Variants in NARS2 observed in about 807,000 individuals in gnomAD.
NARS2 encodes asparaginyl-tRNA synthetase 2, mitochondrial.
NARS2 carries 60 observed loss-of-function variants against 62.9 expected under a neutral mutation model. The observed-to-expected ratio is 0.95, with a 90% confidence interval of 0.77 to 1.18. The LOEUF (loss-of-function observed/expected upper bound fraction) is 1.18, where lower values mean the gene tolerates loss of function less well. Among genes scored for constraint, NARS2 ranks in the 50% most tolerant of loss-of-function variants. The pLI is 0.00. For synonymous variants in NARS2, 196 were observed against 200.0 expected, an observed-to-expected ratio of 0.98 and a Z score of 0.17; for missense variants, 619 against 576.4, an observed-to-expected ratio of 1.07 and a Z score of -0.76.
At chr11:78,453,456 A>T (rs1247270055) in intron 11 of NARS2, among the ~76,000 whole-genome samples, 3 of 149,792 alleles carry the variant, frequency 2.0e-5, no homozygotes, top group Admixed American at 6.7e-5. Flanking sequence ...ACCCTGAATT[A>T]AAAAAAAAAC....
intron 6 of NARS2, among the ~76,000 whole-genome samples, chr11:78,527,708 G>C (rs1236093571): frequency 6.6e-6 from 1 of 152,100 alleles, no homozygotes; most frequent in Non-Finnish European, 1.5e-5. Context: ...TTTCAAGTGA[G>C]CTATTTCCAG....
rs1430767819 is a variant in NARS2, at chr11:78,436,050, G to A, written c.*620C>T. ...TTATAACAACAGTGATTAAAGAGTTGAAATACTTAATGTAATATCTCAACA... is the reference window on the plus strand; with the variant it reads ...TTATAACAACAGTGATTAAAGAGTTAAAATACTTAATGTAATATCTCAACA... On this transcript the variant is annotated 3_prime_UTR_variant, in exon 14 of 14. Coordinates refer to ENST00000281038, the MANE Select transcript of NARS2 (RefSeq NM_024678.6). 6.6e-6 allele frequency: 1 copy of A among 152,058 alleles called. No homozygotes were observed. The highest frequency in any genetic ancestry group is 1.5e-5 in the Non-Finnish European group (1 of 68,016). 9.4% of individuals were successfully genotyped at this position (152,058 alleles called of 1,614,324 possible). A position where few individuals can be genotyped will look rare whatever the true frequency, so the allele number is the denominator to read the frequency against.
rs181485208 is a variant in NARS2, at chr11:78,466,454, C to G, written c.1027-441G>C. ...GAAGATAATATTCCTAATATTGAGC[C>G]TATCTTTGGCTAAATGACTTCTCTT... On this transcript the variant is annotated intron_variant, in intron 10 of 13. Transcript: ENST00000281038. 1.8e-3 allele frequency among the ~76,000 whole-genome samples: 279 copies of G among 152,182 alleles called. 2 individuals are homozygous for G. Among genetic ancestry groups the G allele is most frequent in the South Asian group, 7.3e-3 (35 of 4,818 alleles).
At chr11:78,455,316 A>G (rs1431058647) in intron 11 of NARS2, among the ~76,000 whole-genome samples, 6 of 152,238 alleles carry the variant, frequency 3.9e-5, no homozygotes, top group Non-Finnish European at 1.5e-5. Flanking sequence ...AGCAATTTTA[A>G]AAACATTTGT....
chr11:78,520,244 T>C (rs1861065733), intron 6 of NARS2, among the ~76,000 whole-genome samples: 1 of 152,180 alleles, frequency 6.6e-6, no homozygotes, highest in East Asian at 1.9e-4. Flanking sequence ...CTGAAGATTC[T>C]AGGGAAGAAT....
chr11:78,501,838 A>G lies in NARS2; in HGVS notation c.690-8643T>C, dbSNP rs369644023. On this transcript the variant is annotated intron_variant, in intron 6 of 13. Coordinates refer to ENST00000281038, the MANE Select transcript of NARS2 (RefSeq NM_024678.6). The stretch of plus-strand genomic sequence containing the variant: ...GACCCAACTATTTCCTCCTGAATGT[A>G]TACCTCAAAGAAATAATAAAGACAG... Among the ~76,000 whole-genome samples, 85 of 152,386 alleles carry G rather than the reference A, an allele frequency of 5.6e-4. No homozygotes were observed. In the South Asian group the frequency reaches 0.016, roughly 28 times the overall value.
At chr11:78,464,861 A>G (rs1044281606) in intron 11 of NARS2, among the ~76,000 whole-genome samples, 1 of 152,214 alleles carries the variant, frequency 6.6e-6, no homozygotes, top group African/African-American at 2.4e-5. Flanking sequence ...AGCTAGACAT[A>G]AAGGTTCTCC....
intron 6 of NARS2, among the ~76,000 whole-genome samples, chr11:78,528,157 GC>G (rs1365131184): frequency 6.6e-6 from 1 of 152,062 alleles, no homozygotes; most frequent in Admixed American, 6.6e-5. Flanking sequence ...AATCACTTGA[GC>G]CCAGGAGTTT....
At chr11:78,564,480 T>C (rs988748396) in intron 4 of NARS2, among the ~76,000 whole-genome samples, 2 of 152,224 alleles carry the variant, frequency 1.3e-5, no homozygotes, top group African/African-American at 4.8e-5. Context: ...TGTGAACCAC[T>C]GCACCCTGAC....
At chr11:78,443,002 G>A (rs1313031841) in intron 12 of NARS2, among the ~76,000 whole-genome samples, 1 of 152,086 alleles carries the variant, frequency 6.6e-6, no homozygotes, top group Non-Finnish European at 1.5e-5. Flanking sequence ...ATAATTGAGA[G>A]TAAATAAAGA....
At chr11:78,558,221 C>A (rs1357286732) in intron 5 of NARS2, 3 of 152,190 alleles carry the variant, frequency 2.0e-5, no homozygotes, top group African/African-American at 7.2e-5. Flanking sequence ...AATACCCCCA[C>A]TCTAAATGTT....
intron 5 of NARS2, among the ~76,000 whole-genome samples, chr11:78,538,851 C>T (rs962234100): frequency 3.3e-5 from 5 of 150,740 alleles, no homozygotes; most frequent in Admixed American, 6.6e-5. Flanking sequence ...AAAAATTAGC[C>T]GGGCGTGGTG....
At chr11:78,483,375 G>C (rs997183704) in intron 7 of NARS2, among the ~76,000 whole-genome samples, 1 of 152,190 alleles carries the variant, frequency 6.6e-6, no homozygotes, top group Non-Finnish European at 1.5e-5. Flanking sequence ...CATAGTGTTG[G>C]AAGTTCTCGC....
chr11:78,497,097 T>C (rs1382239617), intron 6 of NARS2, among the ~76,000 whole-genome samples: 1 of 152,106 alleles, frequency 6.6e-6, no homozygotes, highest in East Asian at 1.9e-4. Context: ...AGAATCATTC[T>C]TGTGCCAAAC....
chr11:78,548,734 A>G (rs527736076), intron 5 of NARS2, among the ~76,000 whole-genome samples: 1 of 152,128 alleles, frequency 6.6e-6, no homozygotes, highest in East Asian at 1.9e-4. Flanking sequence ...CCCTTCTGAC[A>G]TGACAGTGTG....
intron 6 of NARS2, among the ~76,000 whole-genome samples, chr11:78,521,869 T>C (rs984691659): frequency 1.3e-5 from 2 of 150,840 alleles, no homozygotes; most frequent in South Asian, 4.2e-4. Context: ...CAGTTCAGAA[T>C]TCAGATCTTT....
intron 5 of NARS2, among the ~76,000 whole-genome samples, chr11:78,553,614 T>C (rs1856213802): frequency 6.6e-6 from 1 of 152,160 alleles, no homozygotes; most frequent in African/African-American, 2.4e-5. Flanking sequence ...AATGGGGTTG[T>C]TTTTCTCTTC....
chr11:78,452,933 T>C (rs560053861), intron 11 of NARS2, among the ~76,000 whole-genome samples: 4 of 152,190 alleles, frequency 2.6e-5, no homozygotes, highest in African/African-American at 4.8e-5. Flanking sequence ...ACATAGTTTA[T>C]CTGTAGGTCT....
At chr11:78,476,438 T>C (rs1024302773) in intron 9 of NARS2, among the ~76,000 whole-genome samples, 15 of 152,216 alleles carry the variant, frequency 9.9e-5, no homozygotes, top group African/African-American at 3.1e-4. Context: ...CTTCTGTGTG[T>C]GGTATTGTGC....
Sources: gnomAD v4.1 joint callset for allele counts (sites outside exome capture counted in the v4.1 genomes callset) on GRCh38, gnomAD v4.1.1 for gene constraint, MANE v1.5 for transcripts, NCBI Gene and HGNC (gene_info 2026-07-23, HGNC 2026-07-21) for gene names.